RDH13: variants seen among roughly 807,000 people sequenced by gnomAD.
RDH13 encodes the protein retinol dehydrogenase 13 (all-trans and 9-cis).
A neutral mutation model predicts 28.3 loss-of-function variants in RDH13; 35 were observed. That is an observed-to-expected ratio of 1.24 (90% confidence interval 0.95 to 1.64). The LOEUF (loss-of-function observed/expected upper bound fraction) is 1.64, where lower values mean the gene tolerates loss of function less well. RDH13 is among the 40% of genes most tolerant of loss of function. The pLI is 0.00. For synonymous variants in RDH13, 229 were observed against 198.5 expected (o/e 1.15, Z -1.29); for missense variants, 514 against 446.3 (o/e 1.15, Z -1.37).
At chr19:55,045,378 G>T in intron 6 of RDH13, 69 bp from the exon 7 acceptor site, 2 of 1,280,616 alleles carry the variant, frequency 1.6e-6, no homozygotes, top group Non-Finnish European at 2.2e-6. Flanking sequence ...CCGCTCCCCG[G>T]TCAGGGAGCT....
At chr19:55,059,088 G>C (rs2075728650) in intron 2 of RDH13, 69 bp downstream of exon 2, 1 of 1,064,386 alleles carries the variant, frequency 9.4e-7, no homozygotes, top group African/African-American at 1.6e-5. Flanking sequence ...CCTCCGGACT[G>C]TGAATAATGC....
chr19:55,068,890 A>AAAGGAAGGG (rs2076007045), intron 1 of RDH13: 1 of 38,972 alleles, frequency 2.6e-5, no homozygotes, highest in Non-Finnish European at 4.6e-5. Context: ...GAGGGAAGGG[A>AAAGGAAGGG]AAGGAAGGGA....
At chr19:55,047,630 C>A in intron 5 of RDH13, 142 bp from the exon 6 acceptor site, 1 of 1,386,768 alleles carries the variant, frequency 7.2e-7, no homozygotes, top group Non-Finnish European at 9.5e-7. Flanking sequence ...GCTCTGGAAT[C>A]TTAGTGAAGT....
At chr19:55,065,316 C>G (rs149578319), upstream of RDH13, among the ~76,000 whole-genome samples, 26 of 151,604 alleles carry the variant, frequency 1.7e-4, 1 homozygote, top group Admixed American at 7.4e-4. Context: ...CCCAGGAGGT[C>G]AAGGCTATGA....
intron 1 of RDH13, among the ~76,000 whole-genome samples, chr19:55,061,140 ATTT>A (rs1222422289): frequency 6.6e-6 from 1 of 151,568 alleles, no homozygotes; most frequent in Non-Finnish European, 1.5e-5. Context: ...TTACTTATTT[ATTT>A]TTGAGACAGA....
At chr19:55,040,712 A>G (rs1469210078), downstream of RDH13, 1 of 152,272 alleles carries the variant, frequency 6.6e-6, no homozygotes, top group Admixed American at 6.5e-5. Context: ...CTTTAAAATT[A>G]TTGGTAAAAT....
In RDH13 at chr19:55,048,340, C is replaced by T. The variant is rs770387301; in HGVS notation, c.647G>A (p.Arg216Gln). 60 of 1,613,970 alleles carry T rather than the reference C, an allele frequency of 3.7e-5. No homozygotes were observed. Among genetic ancestry groups the T allele is most frequent in the South Asian group, 1.5e-4 (14 of 91,086 alleles). Residue 216 changes from arginine to glutamine, a missense_variant, in exon 5 of 7, where the codon CGG becomes CAG. Physicochemically the swap from Arg to Gln is conservative, Grantham distance 43. Transcript: ENST00000415061. Reference protein sequence around the residue: ...AIVLFTKELSRRLQGSGVTVN... With the variant: ...AIVLFTKELSQRLQGSGVTVN... ...TAGCGCCCCCGTACCTTGCAGCCGC[C>T]GGCTCAGCTCCTTGGTGAAGAGGAC...
intron 5 of RDH13, chr19:55,048,093 G>A (rs1466983178): frequency 6.6e-6 from 10 of 1,507,128 alleles, no homozygotes; most frequent in Non-Finnish European, 8.0e-6. Flanking sequence ...CAGCAGGGAA[G>A]GACATCTGAT....
upstream of RDH13, chr19:55,067,380 T>G (rs753905990): frequency 6.6e-6 from 1 of 152,222 alleles, no homozygotes; most frequent in Admixed American, 6.5e-5. Flanking sequence ...CACGGCCATG[T>G]GAGCCGGCAA....
At chr19:55,049,125 T>C (rs368200490) in intron 3 of RDH13, among the ~76,000 whole-genome samples, 7 of 152,116 alleles carry the variant, frequency 4.6e-5, no homozygotes, top group Non-Finnish European at 8.8e-5. Flanking sequence ...ACACCGCGAT[T>C]CAGACTGCCG....
intron 1 of RDH13, 55 bp from the exon 2 acceptor site, chr19:55,059,330 C>T (rs2075739336): frequency 8.4e-7 from 1 of 1,195,614 alleles, no homozygotes; most frequent in Non-Finnish European, 1.2e-6. Flanking sequence ...ACCCCACGTG[C>T]CCCTGACTGA....
intron 2 of RDH13, 28 bp from the exon 3 acceptor site, chr19:55,056,836 AAATT>A: frequency 6.3e-7 from 1 of 1,589,978 alleles, no homozygotes. Context: ...AAAAAGATTT[AAATT>A]AATAATCCAC....
chr19:55,048,874 G>C (rs1033666316), intron 3 of RDH13, 111 bp from the exon 4 acceptor site: 5 of 966,668 alleles, frequency 5.2e-6, no homozygotes, highest in South Asian at 2.9e-5. Context: ...GCCTGTGCCG[G>C]AAACAGGGTC....
At chr19:55,067,348 T>C (rs2075979855), upstream of RDH13, 2 of 152,142 alleles carry the variant, frequency 1.3e-5, no homozygotes, top group Non-Finnish European at 2.9e-5. Flanking sequence ...TGGGCAAGCT[T>C]TCTGCAGGAA....
intron 5 of RDH13, chr19:55,048,122 C>G: frequency 6.5e-7 from 1 of 1,530,400 alleles, no homozygotes; most frequent in East Asian, 2.5e-5. Flanking sequence ...ACTAGACCAC[C>G]TGGGATGAAC....
intron 1 of RDH13, chr19:55,068,337 A>C (rs1424029992): frequency 6.6e-6 from 1 of 152,006 alleles, no homozygotes; most frequent in Non-Finnish European, 1.5e-5. Context: ...GGGGTTTGAA[A>C]CCAGCCTGGC....
chr19:55,063,062 G>GGCGTCAGGCGTCCA lies in RDH13; in HGVS notation c.-31_-30insTGGACGCCTGACGC, dbSNP rs1555831242. The GGCGTCAGGCGTCCA allele has an allele frequency of 1.7e-6, 2 of 1,190,884 alleles. No homozygotes were observed. The highest frequency in any genetic ancestry group is 2.0e-6 in the Non-Finnish European group (2 of 977,218). 73.8% of individuals were successfully genotyped at this position (1,190,884 alleles called of 1,614,324 possible). Reference sequence around the variant, plus strand: ...GGCCGGGGACAGGCGTCAGGCGTCAGGGGTCGGCGCGGAGCTTGCTGCACA... The same window carrying GGCGTCAGGCGTCCA: ...GGCCGGGGACAGGCGTCAGGCGTCAGGCGTCAGGCGTCCAGGGTCGGCGCGGAGCTTGCTGCACA... On this transcript the variant is annotated 5_prime_UTR_variant, in exon 1 of 7. Transcript: ENST00000415061.
At chr19:55,066,603 TTTC>T (rs1256810312), upstream of RDH13, among the ~76,000 whole-genome samples, 1 of 150,316 alleles carries the variant, frequency 6.7e-6, no homozygotes, top group Non-Finnish European at 1.5e-5. Context: ...CTTCCTCTTT[TTTC>T]TTCCTCTCTT....
chr19:55,059,355 C>G, intron 1 of RDH13, 80 bp from the exon 2 acceptor site: 1 of 898,656 alleles, frequency 1.1e-6, no homozygotes, highest in Non-Finnish European at 1.7e-6. Flanking sequence ...TCTCAGGCAA[C>G]CTTGTCTGAG....
Sources: gnomAD v4.1 joint callset for allele counts (sites outside exome capture counted in the v4.1 genomes callset) on GRCh38, gnomAD v4.1.1 for gene constraint, MANE v1.5 for transcripts, NCBI Gene and HGNC (gene_info 2026-07-23, HGNC 2026-07-21) for gene names.